The following MCTP1 variants were observed in gnomAD, a reference collection of about 807,000 sequenced individuals.
The protein encoded by MCTP1 is multiple C2 and transmembrane domain containing 1.
MCTP1 carries 69 observed loss-of-function variants against 120.6 expected under a neutral mutation model. The ratio of observed to expected loss-of-function variants is 0.57; its 90% CI spans 0.47 to 0.70. The LOEUF is 0.70. Among genes scored for constraint, MCTP1 ranks in the 30% least tolerant of loss-of-function variants. The pLI is 0.00. For missense variants in MCTP1, 1,203 were observed against 1,248.8 expected, an observed-to-expected ratio of 0.96 and a Z score of 0.55; for synonymous variants, 529 against 493.1, an observed-to-expected ratio of 1.07 and a Z score of -0.96.
At chr5:94,897,635 G>C (rs1267067658) in intron 10 of MCTP1, among the ~76,000 whole-genome samples, 1 of 152,102 alleles carries the variant, frequency 6.6e-6, no homozygotes, top group African/African-American at 2.4e-5. Flanking sequence ...AAAGTGCTGG[G>C]ATTACAGGCA....
At chr5:95,232,731 T>G (rs1755104402) in intron 1 of MCTP1, among the ~76,000 whole-genome samples, 1 of 152,064 alleles carries the variant, frequency 6.6e-6, no homozygotes, top group Non-Finnish European at 1.5e-5. Context: ...AAATTTAAAT[T>G]TAAAGACATA....
At chr5:94,925,227 G>C (rs976206546) in intron 6 of MCTP1, among the ~76,000 whole-genome samples, 1 of 151,986 alleles carries the variant, frequency 6.6e-6, no homozygotes. Context: ...CAATAATAAG[G>C]CACCTGGCAT....
In MCTP1 at chr5:94,714,855, A is replaced by T; in HGVS notation, c.2642T>A (p.Ile881Asn). ...GACACATACCTCCTGGATGGCATAG[A>T]TTTTATTTATAAATCCCTTTTTTTC... is the stretch of plus-strand genomic sequence containing the variant. ...DSEKKGFINK[I>N]YAIQEVCVSV... Residue 881 changes from isoleucine to asparagine, a missense_variant, in exon 20 of 23, where the codon ATC (isoleucine) becomes AAC (asparagine). By Grantham distance (149) the Ile-to-Asn change is moderately radical. Around this residue, in one of 2 missense-constraint regions of MCTP1, gnomAD observed 740 missense variants for 871.1 expected, o/e 0.85. Coordinates refer to ENST00000515393, the MANE Select transcript of MCTP1 (RefSeq NM_024717.7). 6.2e-7 allele frequency: 1 copy of T among 1,612,098 alleles called. No individual in the cohort carries two copies. The highest frequency in any genetic ancestry group is 8.5e-7 in the Non-Finnish European group (1 of 1,178,344).
intron 19 of MCTP1, among the ~76,000 whole-genome samples, chr5:94,751,511 C>A (rs1457841079): frequency 3.3e-5 from 5 of 151,980 alleles, no homozygotes; most frequent in Admixed American, 6.6e-5. Context: ...ATGTAAATGG[C>A]AGTTTATTAA....
chr5:95,230,738 T>A (rs552315507), intron 1 of MCTP1, among the ~76,000 whole-genome samples: 1 of 152,334 alleles, frequency 6.6e-6, no homozygotes, highest in South Asian at 2.1e-4. Flanking sequence ...TTTTAATCGG[T>A]ATATCCACAA....
At chr5:94,756,663 G>T (rs971549534) in intron 19 of MCTP1, among the ~76,000 whole-genome samples, 1 of 152,116 alleles carries the variant, frequency 6.6e-6, no homozygotes, top group African/African-American at 2.4e-5. Flanking sequence ...AAAGATGTTG[G>T]CAAAATGAGA....
At chr5:95,169,634 T>C (rs1438203201) in intron 1 of MCTP1, among the ~76,000 whole-genome samples, 1 of 152,188 alleles carries the variant, frequency 6.6e-6, no homozygotes, top group African/African-American at 2.4e-5. Context: ...GGAGGGTGTA[T>C]GTGTCCGGAA....
chr5:94,984,840 TATGA>T (rs1364400105), intron 2 of MCTP1, among the ~76,000 whole-genome samples: 2 of 152,108 alleles, frequency 1.3e-5, no homozygotes, highest in African/African-American at 4.8e-5. Flanking sequence ...AACAAAATAA[TATGA>T]ATATTAAGTA....
intron 18 of MCTP1, among the ~76,000 whole-genome samples, chr5:94,797,423 T>C (rs1313732612): frequency 6.6e-6 from 1 of 152,150 alleles, no homozygotes; most frequent in Non-Finnish European, 1.5e-5. Context: ...CGCCATGAAG[T>C]AAATGGGACA....
At chr5:95,282,002 C>G (rs548692588) in intron 1 of MCTP1, among the ~76,000 whole-genome samples, 1 of 152,196 alleles carries the variant, frequency 6.6e-6, no homozygotes, top group Non-Finnish European at 1.5e-5. Flanking sequence ...CTACTAACTA[C>G]GTGACCCTGG....
intron 17 of MCTP1, among the ~76,000 whole-genome samples, chr5:94,828,099 T>C (rs1309853675): frequency 6.6e-6 from 1 of 152,210 alleles, no homozygotes; most frequent in East Asian, 1.9e-4. Context: ...CATGGACTTA[T>C]CTACCTTTGG....
rs551653310 is a variant in MCTP1 at position 94,703,782 on chromosome 5, C to T, written c.*3714G>A. 17 of 151,330 alleles carry T rather than the reference C, an allele frequency of 1.1e-4. No homozygotes were observed. In the East Asian group the frequency reaches 1.2e-3, roughly 10 times the overall value. 9.4% of individuals were successfully genotyped at this position (151,330 alleles called of 1,614,324 possible). A position where few individuals can be genotyped will look rare whatever the true frequency, so the allele number is the denominator to read the frequency against. On this transcript the variant is annotated 3_prime_UTR_variant, in exon 23 of 23. Coordinates refer to ENST00000515393, the MANE Select transcript of MCTP1 (RefSeq NM_024717.7). ...GATAGAATCATTAAGTTCCAGGAAA[C>T]CTTTCATGGTGCTCTTAGTTTCTAC...
At chr5:95,177,320 T>C (rs898443291) in intron 1 of MCTP1, among the ~76,000 whole-genome samples, 1 of 152,160 alleles carries the variant, frequency 6.6e-6, no homozygotes, top group Non-Finnish European at 1.5e-5. Flanking sequence ...AATGTGCTTT[T>C]ACAAAACTCA....
chr5:95,200,160 CA>C (rs61616371), intron 1 of MCTP1, among the ~76,000 whole-genome samples: 1,985 of 122,044 alleles, frequency 0.016, 37 homozygotes, highest in African/African-American at 0.051. Context: ...GACACTATCT[CA>C]AAAAAAAAAA....
intron 18 of MCTP1, among the ~76,000 whole-genome samples, chr5:94,797,042 G>T (rs1018851764): frequency 1.3e-5 from 2 of 152,070 alleles, no homozygotes; most frequent in African/African-American, 2.4e-5. Flanking sequence ...AAAAGGAAAA[G>T]ATTTGGTAAA....
intron 1 of MCTP1, among the ~76,000 whole-genome samples, chr5:95,190,584 G>C (rs1326127259): frequency 1.3e-5 from 2 of 151,904 alleles, no homozygotes; most frequent in Non-Finnish European, 1.5e-5. Flanking sequence ...CCAGGAAAGA[G>C]TTGAGCTTTT....
At chr5:94,939,022 C>T (rs1310518617) in intron 5 of MCTP1, among the ~76,000 whole-genome samples, 1 of 151,992 alleles carries the variant, frequency 6.6e-6, no homozygotes, top group Non-Finnish European at 1.5e-5. Flanking sequence ...AAAATTTCTT[C>T]CTCAGTGAAT....
intron 12 of MCTP1, among the ~76,000 whole-genome samples, chr5:94,883,155 C>A (rs1800490663): frequency 6.6e-6 from 1 of 152,126 alleles, no homozygotes; most frequent in South Asian, 2.1e-4. Flanking sequence ...TGTTTAGGCT[C>A]ATTCTTAAGG....
intron 7 of MCTP1, among the ~76,000 whole-genome samples, chr5:94,919,340 G>C (rs957689176): frequency 1.3e-5 from 2 of 152,010 alleles, no homozygotes; most frequent in African/African-American, 2.4e-5. Context: ...CACTAAAAAT[G>C]AGATATTTTA....
Sources: allele counts gnomAD v4.1 joint callset (sites outside exome capture counted in the v4.1 genomes callset), GRCh38; gene constraint gnomAD v4.1.1; regional missense constraint gnomAD v4.1.1; transcripts MANE v1.5; gene names NCBI Gene and HGNC (gene_info 2026-07-23, HGNC 2026-07-21).